The following KANSL1 variants were observed in gnomAD, a reference collection of about 807,000 sequenced individuals.
The protein encoded by KANSL1 is KAT8 regulatory NSL complex subunit 1, also known as MLL1/MLL complex subunit KANSL1.
In KANSL1, 22 loss-of-function variants were observed where a neutral mutation model predicts 103.6. The ratio of observed to expected loss-of-function variants is 0.21; its 90% CI spans 0.15 to 0.30. KANSL1 has a LOEUF of 0.30. Among genes scored for constraint, KANSL1 ranks in the 10% least tolerant of loss-of-function variants. The pLI is 1.00. For missense variants in KANSL1, 1,337 were observed against 1,399.8 expected, an observed-to-expected ratio of 0.96 and a Z score of 0.72; for synonymous variants, 600 against 527.6, an observed-to-expected ratio of 1.14 and a Z score of -1.88.
At chr17:46,067,818 G>A in intron 4 of KANSL1, 151 bp from the exon 5 acceptor site, 1 of 589,032 alleles carries the variant, frequency 1.7e-6, no homozygotes, top group East Asian at 2.9e-5. Flanking sequence ...AAGAAAATAA[G>A]AGAATCAGTG....
chr17:46,033,560 G>A, intron 11 of KANSL1, 100 bp from the exon 12 acceptor site: 2 of 933,014 alleles, frequency 2.1e-6, no homozygotes, highest in South Asian at 1.4e-5. Flanking sequence ...GCACCTGTGG[G>A]TGACACTGCT....
intron 2 of KANSL1, among the ~76,000 whole-genome samples, chr17:46,096,976 G>A (rs1438087500): frequency 6.6e-6 from 1 of 152,044 alleles, no homozygotes; most frequent in Non-Finnish European, 1.5e-5. Flanking sequence ...TGGTGTCCAG[G>A]TTGTTCTCTA....
At chr17:46,097,893 A>G (rs563476833) in intron 2 of KANSL1, among the ~76,000 whole-genome samples, 1 of 149,868 alleles carries the variant, frequency 6.7e-6, no homozygotes, top group African/African-American at 2.6e-5. Context: ...AATAATTAAG[A>G]CCAAGGGTAG....
chr17:46,052,337 G>A (rs2077738307), intron 6 of KANSL1, among the ~76,000 whole-genome samples: 1 of 152,218 alleles, frequency 6.6e-6, no homozygotes, highest in African/African-American at 2.4e-5. Context: ...TGGCTAGAGT[G>A]TATCACTTAA....
intron 2 of KANSL1, among the ~76,000 whole-genome samples, chr17:46,169,275 T>C (rs1306862742): frequency 6.6e-6 from 1 of 152,256 alleles, no homozygotes; most frequent in Non-Finnish European, 1.5e-5. Context: ...AGCAAGCCTC[T>C]GAAGCATTTG....
intron 2 of KANSL1, among the ~76,000 whole-genome samples, chr17:46,113,406 T>C (rs1165682213): frequency 6.6e-6 from 1 of 152,232 alleles, no homozygotes; most frequent in African/African-American, 2.4e-5. Flanking sequence ...TGACCCAGCA[T>C]TTAAAAAATA....
At chr17:46,064,052 G>GC (rs2078277789) in intron 6 of KANSL1, among the ~76,000 whole-genome samples, 1 of 79,978 alleles carries the variant, frequency 1.3e-5, no homozygotes, top group Non-Finnish European at 2.4e-5. Flanking sequence ...ACGACTATTA[G>GC]TAAAAAAAAA....
At chr17:46,167,993 G>A (rs2532280) in intron 2 of KANSL1, among the ~76,000 whole-genome samples, 18,519 of 150,130 alleles carry the variant, frequency 0.12, 22 homozygotes, top group Middle Eastern at 0.19. Flanking sequence ...CATCAGGGCT[G>A]CCTAGACGAA....
chr17:46,132,035 G>A (rs558082706), intron 2 of KANSL1, among the ~76,000 whole-genome samples: 7 of 137,082 alleles, frequency 5.1e-5, no homozygotes, highest in African/African-American at 2.2e-4. Flanking sequence ...GCTGAGGTAG[G>A]AGAATCACTT....
At chr17:46,162,648 C>T (rs1434953956) in intron 2 of KANSL1, among the ~76,000 whole-genome samples, 1 of 152,214 alleles carries the variant, frequency 6.6e-6, no homozygotes, top group African/African-American at 2.4e-5. Context: ...TCTTTCCTGC[C>T]AAAGGCTGAG....
chr17:46,132,697 C>T (rs1356176528), intron 2 of KANSL1, among the ~76,000 whole-genome samples: 2 of 152,162 alleles, frequency 1.3e-5, no homozygotes, highest in Non-Finnish European at 2.9e-5. Flanking sequence ...CCTGCAATCC[C>T]GACATTTTGG....
rs376357261 is a variant in KANSL1 at position 46,136,097 on chromosome 17, GT to G, written c.1289+34757del. Among the ~76,000 whole-genome samples, 307 of 152,130 alleles carry G rather than the reference GT, an allele frequency of 2.0e-3. No individual in the cohort carries two copies. The South Asian group carries it at 0.063, about 31-fold the overall frequency. On this transcript the variant is annotated intron_variant, in intron 2 of 14. Transcript: ENST00000432791. ...CTGATATGCACTAGGCTGAACAGCT[GT>G]TAACCACTGAGAAGCTGGGCACTGC...
At position 46,094,606 on chromosome 17, in the gene KANSL1, C is replaced by T. The variant is rs1159124298; in HGVS notation, c.1385G>A (p.Arg462Gln). ...LQAHVSDLEY[R>Q]IRQQTDIYKQ... ...GTAAATGTCTGTTTGCTGACGAATT[C>T]GATATTCCAAGTCAGAAACATGAGC... is the stretch of plus-strand genomic sequence containing the variant. Residue 462 changes from arginine to glutamine, a missense_variant, in exon 3 of 15, where the codon CGA becomes CAA. Physicochemically the swap from Arg to Gln is conservative, Grantham distance 43 (BLOSUM62 1). Coordinates refer to ENST00000432791, the MANE Select transcript of KANSL1 (RefSeq NM_015443.4). The T allele has an allele frequency of 2.5e-6, 4 of 1,613,962 alleles. No homozygotes were observed. The highest frequency in any genetic ancestry group is 1.7e-5 in the Admixed American group (1 of 59,996).
chr17:46,032,359 G>A, intron 13 of KANSL1, 60 bp from the exon 14 acceptor site: 2 of 1,440,758 alleles, frequency 1.4e-6, no homozygotes, highest in South Asian at 1.5e-5. Context: ...GGGGGTAGAG[G>A]GCATGAAAAA....
chr17:46,137,947 C>T (rs1456089183), intron 2 of KANSL1, among the ~76,000 whole-genome samples: 1 of 152,054 alleles, frequency 6.6e-6, no homozygotes, highest in African/African-American at 2.4e-5. Flanking sequence ...GGTGTCTGCA[C>T]TATGTAGTGT....
chr17:46,200,426 A>G (rs1430673569), intron 1 of KANSL1, among the ~76,000 whole-genome samples: 1 of 152,248 alleles, frequency 6.6e-6, no homozygotes, highest in Non-Finnish European at 1.5e-5. Flanking sequence ...CAGCAGGTGT[A>G]CAAGGCAAAA....
chr17:46,107,787 T>C (rs1490098459), intron 2 of KANSL1, among the ~76,000 whole-genome samples: 3 of 152,110 alleles, frequency 2.0e-5, no homozygotes, highest in Non-Finnish European at 2.9e-5. Flanking sequence ...TACTTTCCCC[T>C]CCCCAACTCC....
chr17:46,052,079 G>A (rs1423331890), intron 6 of KANSL1, among the ~76,000 whole-genome samples: 1 of 152,164 alleles, frequency 6.6e-6, no homozygotes, highest in Non-Finnish European at 1.5e-5. Flanking sequence ...GCTTTCTGGA[G>A]AGGATGACAT....
chr17:46,073,065 T>A (rs961835847), intron 4 of KANSL1, among the ~76,000 whole-genome samples: 2 of 152,248 alleles, frequency 1.3e-5, no homozygotes, highest in Non-Finnish European at 2.9e-5. Flanking sequence ...TCCCTTTACC[T>A]TCTATCCCAA....
Sources: gnomAD v4.1 joint callset for allele counts (sites outside exome capture counted in the v4.1 genomes callset) on GRCh38, gnomAD v4.1.1 for gene constraint, MANE v1.5 for transcripts, NCBI Gene and HGNC (gene_info 2026-07-23, HGNC 2026-07-21) for gene names.